The following NUBPL variants were observed in gnomAD, a reference collection of about 807,000 sequenced individuals.
NUBPL encodes the protein NUBP iron-sulfur cluster assembly factor, mitochondrial, also known as iron-sulfur cluster transfer protein NUBPL.
Under a neutral mutation model 45.7 loss-of-function variants are expected in NUBPL, and 31 were observed. That is an observed-to-expected ratio of 0.68 (90% confidence interval 0.51 to 0.92). The LOEUF is 0.92. Ranked by LOEUF, NUBPL falls within the 40% of genes least tolerant of loss-of-function variation. NUBPL has a pLI of 0.00. For synonymous variants in NUBPL, 144 were observed against 140.9 expected (o/e 1.02, Z -0.15); for missense variants, 401 against 398.7 (o/e 1.01, Z -0.05).
chr14:31,677,780 T>C (rs75406888), intron 6 of NUBPL, among the ~76,000 whole-genome samples: 69 of 152,346 alleles, frequency 4.5e-4, no homozygotes, highest in Non-Finnish European at 8.4e-4. Flanking sequence ...GCACTGGGTC[T>C]TGTCCTGCTG....
At chr14:31,639,598 A>G (rs989763562) in intron 4 of NUBPL, among the ~76,000 whole-genome samples, 8 of 152,308 alleles carry the variant, frequency 5.3e-5, no homozygotes, top group Middle Eastern at 3.4e-3. Flanking sequence ...TGGGAGAACC[A>G]CTGCTCTCTT....
rs533525769 is a variant in NUBPL, at chr14:31,594,225, T to TG, written c.292-5060dup. Among the ~76,000 whole-genome samples the TG allele has an allele frequency of 1.2e-4, 19 of 152,124 alleles. No individual in the cohort carries two copies. In the East Asian group the frequency reaches 3.7e-3, roughly 29 times the overall value. ...TTGAGCCCCAGAGTTTGAGACCAGCTGGGGCAACGTGGTGAAACCCTGTCC... is the reference window on the plus strand; with the variant it reads ...TTGAGCCCCAGAGTTTGAGACCAGCTGGGGGCAACGTGGTGAAACCCTGTCC... On this transcript the variant is annotated intron_variant, in intron 3 of 10. Coordinates refer to ENST00000281081, the MANE Select transcript of NUBPL (RefSeq NM_025152.3).
intron 3 of NUBPL, among the ~76,000 whole-genome samples, chr14:31,584,722 C>T (rs112822521): frequency 0.011 from 1,618 of 152,294 alleles, 24 homozygotes; most frequent in African/African-American, 0.037. Flanking sequence ...GCTACTGTAA[C>T]AAACTACTGT....
chr14:31,793,657 C>T, intron 7 of NUBPL, among the ~76,000 whole-genome samples: 1 of 152,054 alleles, frequency 6.6e-6, no homozygotes, highest in East Asian at 1.9e-4. Flanking sequence ...TATTATCTTT[C>T]CAACTAGGCT....
At position 31,633,600 on chromosome 14, in the gene NUBPL, G is replaced by T. The variant is rs79560329; in HGVS notation, c.382+34221G>T. On this transcript the variant is annotated intron_variant, in intron 4 of 10. Transcript: ENST00000281081. ...TTATGCAAAGCTTTTGCTCGTTGTA[G>T]ATATTCAGAGTTACAGAATCCACAA... 6.8e-4 allele frequency among the ~76,000 whole-genome samples: 104 copies of T among 152,254 alleles called. No homozygotes were observed. The East Asian group carries it at 0.018, about 27-fold the overall frequency.
intron 6 of NUBPL, among the ~76,000 whole-genome samples, chr14:31,683,956 T>C (rs1455283665): frequency 1.4e-5 from 1 of 72,716 alleles, no homozygotes; most frequent in Non-Finnish European, 4.6e-5. Context: ...TTTCTTTAGT[T>C]GTTCTGTGAG....
chr14:31,651,794 G>A (rs1358235183), intron 4 of NUBPL, among the ~76,000 whole-genome samples: 1 of 151,744 alleles, frequency 6.6e-6, no homozygotes, highest in Admixed American at 6.6e-5. Context: ...AGCTACTCAG[G>A]AGGCTGAGGT....
chr14:31,829,331 A>T (rs966690905), intron 8 of NUBPL, among the ~76,000 whole-genome samples: 35 of 152,246 alleles, frequency 2.3e-4, no homozygotes, highest in African/African-American at 8.4e-4. Flanking sequence ...TAAAAGAGAT[A>T]GAAGGTCTTA....
chr14:31,799,778 G>C (rs1166243997), intron 7 of NUBPL, among the ~76,000 whole-genome samples: 1 of 152,196 alleles, frequency 6.6e-6, no homozygotes, highest in Non-Finnish European at 1.5e-5. Context: ...TGAGTGATCA[G>C]GGTGGCAGTT....
At chr14:31,731,592 G>T (rs1011820276) in intron 6 of NUBPL, among the ~76,000 whole-genome samples, 1 of 152,166 alleles carries the variant, frequency 6.6e-6, no homozygotes, top group Non-Finnish European at 1.5e-5. Context: ...TGCCAGGAAT[G>T]GATACAAAGA....
At chr14:31,671,510 A>G (rs565598398) in intron 4 of NUBPL, among the ~76,000 whole-genome samples, 2 of 152,348 alleles carry the variant, frequency 1.3e-5, no homozygotes, top group East Asian at 3.9e-4. Context: ...GTTTTAGCAG[A>G]TCAAAGGTGA....
chr14:31,788,425 T>C (rs2138821487), intron 7 of NUBPL, among the ~76,000 whole-genome samples: 1 of 152,230 alleles, frequency 6.6e-6, no homozygotes, highest in East Asian at 1.9e-4. Flanking sequence ...ACTTCTGCTT[T>C]AAGTCCCTAC....
chr14:31,710,651 A>G (rs1390955412), intron 6 of NUBPL, among the ~76,000 whole-genome samples: 2 of 152,182 alleles, frequency 1.3e-5, no homozygotes, highest in Non-Finnish European at 2.9e-5. Context: ...CCCGTGTCCT[A>G]TAAAGATGTT....
chr14:31,852,500 G>A (rs2040552908), intron 10 of NUBPL, among the ~76,000 whole-genome samples: 1 of 152,018 alleles, frequency 6.6e-6, no homozygotes, highest in Non-Finnish European at 1.5e-5. Flanking sequence ...GTGAAACCCC[G>A]TCTCTAGTAA....
At chr14:31,850,688 CCAGCTCA>C (rs1158689291) in intron 10 of NUBPL, among the ~76,000 whole-genome samples, 2 of 151,950 alleles carry the variant, frequency 1.3e-5, no homozygotes, top group African/African-American at 4.8e-5. Context: ...TTGTGCGATC[CCAGCTCA>C]CTGCAGCCTT....
intron 4 of NUBPL, among the ~76,000 whole-genome samples, chr14:31,645,326 A>G (rs1289815179): frequency 6.6e-6 from 1 of 151,982 alleles, no homozygotes; most frequent in Non-Finnish European, 1.5e-5. Flanking sequence ...TCAGCCTCCT[A>G]AAGTGTTGGG....
At position 31,673,502 on chromosome 14, in the gene NUBPL, G is replaced by A; in HGVS notation, c.441G>A (p.Leu147=). 6.2e-7 allele frequency: 1 copy of A among 1,613,784 alleles called. No individual in the cohort carries two copies. Among genetic ancestry groups the A allele is most frequent in the South Asian group, 1.1e-5 (1 of 91,056 alleles). ...GTTGCAGTATGTCTATGGGCTTTCTGGTTGAAGAAAGTGAACCAGTAGTTT... is the reference window on the plus strand; with the variant it reads ...GTTGCAGTATGTCTATGGGCTTTCTAGTTGAAGAAAGTGAACCAGTAGTTT... The part of the protein sequence containing the change: ...YGIACMSMGF[L]VEESEPVVWR... Residue 147 remains leucine, a synonymous_variant, in exon 6 of 11, where the codon CTG becomes CTA. Transcript: ENST00000281081.
At position 31,609,469 on chromosome 14, in the gene NUBPL, A is replaced by G. The variant is rs1344096342; in HGVS notation, c.382+10090A>G. On this transcript the variant is annotated intron_variant, in intron 4 of 10. Coordinates refer to ENST00000281081, the MANE Select transcript of NUBPL (RefSeq NM_025152.3). Reference sequence around the variant, plus strand: ...AAAGAAAGAGATAAAGCTCAATACAATAATACCTGGAGACTTCAATACCCC... The same window carrying G: ...AAAGAAAGAGATAAAGCTCAATACAGTAATACCTGGAGACTTCAATACCCC... Among the ~76,000 whole-genome samples, 5 of 152,210 alleles carry G rather than the reference A, an allele frequency of 3.3e-5. No homozygotes were observed. The South Asian group carries it at 6.2e-4, about 19-fold the overall frequency.
At chr14:31,817,015 G>A (rs1019915432) in intron 7 of NUBPL, among the ~76,000 whole-genome samples, 3 of 151,866 alleles carry the variant, frequency 2.0e-5, no homozygotes, top group Admixed American at 6.6e-5. Flanking sequence ...AAAGCAGCAC[G>A]AGAACTTCGT....
Sources: allele counts gnomAD v4.1 joint callset (sites outside exome capture counted in the v4.1 genomes callset), GRCh38; gene constraint gnomAD v4.1.1; transcripts MANE v1.5; gene names NCBI Gene and HGNC (gene_info 2026-07-23, HGNC 2026-07-21).